Variants in GALNTL6 observed in about 807,000 individuals in gnomAD.
GALNTL6 encodes the protein polypeptide N-acetylgalactosaminyltransferase-like 6.
Under a neutral mutation model 73.7 loss-of-function variants are expected in GALNTL6, and 46 were observed. The ratio of observed to expected loss-of-function variants is 0.62; its 90% CI spans 0.49 to 0.80. GALNTL6 has a LOEUF of 0.80. GALNTL6 is among the 30% of genes least tolerant of loss of function. The pLI is 0.00. For missense variants in GALNTL6, 604 were observed against 755.0 expected, an observed-to-expected ratio of 0.80 and a Z score of 2.34; for synonymous variants, 259 against 263.7, an observed-to-expected ratio of 0.98 and a Z score of 0.17.
At chr4:172,939,595 C>T (rs1391317931) in intron 9 of GALNTL6, among the ~76,000 whole-genome samples, 3 of 152,300 alleles carry the variant, frequency 2.0e-5, no homozygotes, top group Admixed American at 6.5e-5. Flanking sequence ...GAAATGCACA[C>T]AGCATGCTAC....
chr4:172,838,641 G>A (rs749543540), intron 7 of GALNTL6, among the ~76,000 whole-genome samples: 1 of 152,092 alleles, frequency 6.6e-6, no homozygotes, highest in Non-Finnish European at 1.5e-5. Context: ...TCTGGGAAAC[G>A]AAACAGGTGC....
intron 7 of GALNTL6, among the ~76,000 whole-genome samples, chr4:172,878,258 G>A (rs971927773): frequency 4.4e-4 from 67 of 151,842 alleles, no homozygotes; most frequent in Non-Finnish European, 1.2e-4. Context: ...CACAAACTCA[G>A]TTGTGCATAA....
In GALNTL6 at chr4:172,070,087, T is replaced by C. The variant is rs1384556955; in HGVS notation, c.139-159569T>C. On this transcript the variant is annotated intron_variant, in intron 2 of 12. Transcript: ENST00000506823. ...TGGAGAACATTCCCAGCAGGAGAAA[T>C]AGTAATGTCGCTGTTTTGCTATTCT... 2.8e-5 allele frequency among the ~76,000 whole-genome samples: 3 copies of C among 108,216 alleles called. 1 individual carries two copies. Among genetic ancestry groups the C allele is most frequent in the Non-Finnish European group, 6.1e-5 (3 of 48,796 alleles). 71.0% of individuals were successfully genotyped at this position (108,216 alleles called of 152,430 possible).
At chr4:172,911,439 A>G (rs969463785) in intron 8 of GALNTL6, among the ~76,000 whole-genome samples, 1 of 152,220 alleles carries the variant, frequency 6.6e-6, no homozygotes, top group Non-Finnish European at 1.5e-5. Flanking sequence ...GTCAAAGTGT[A>G]GTTGCATTTC....
In GALNTL6 at chr4:172,204,143, A is replaced by G. The variant is rs929630086; in HGVS notation, c.139-25513A>G. ...GACCTTATATTACTAGAATTCAGAA[A>G]TTGTGAAGTTTACTAGGTTGTTTGC... On this transcript the variant is annotated intron_variant, in intron 2 of 12. Coordinates refer to ENST00000506823, the MANE Select transcript of GALNTL6 (RefSeq NM_001034845.3). Among the ~76,000 whole-genome samples, 3 of 152,176 alleles carry G rather than the reference A, an allele frequency of 2.0e-5. No homozygotes were observed. In the East Asian group the frequency reaches 5.8e-4, roughly 29 times the overall value.
intron 2 of GALNTL6, among the ~76,000 whole-genome samples, chr4:172,217,882 A>T (rs1053236456): frequency 6.6e-6 from 1 of 152,052 alleles, no homozygotes; most frequent in Non-Finnish European, 1.5e-5. Context: ...CCTGTATTGA[A>T]TGTTTACTGT....
intron 2 of GALNTL6, among the ~76,000 whole-genome samples, chr4:172,168,857 A>G (rs545505600): frequency 6.6e-6 from 1 of 152,336 alleles, no homozygotes; most frequent in South Asian, 2.1e-4. Flanking sequence ...AATTTTTGTG[A>G]TGTTTTTAAA....
chr4:172,015,611 T>C (rs1354302482), intron 2 of GALNTL6, among the ~76,000 whole-genome samples: 1 of 152,018 alleles, frequency 6.6e-6, no homozygotes, highest in East Asian at 1.9e-4. Flanking sequence ...AAATACCTTA[T>C]ATTTTGTTAT....
At chr4:171,922,284 A>G (rs1235718149) in intron 2 of GALNTL6, among the ~76,000 whole-genome samples, 1 of 152,124 alleles carries the variant, frequency 6.6e-6, no homozygotes, top group Admixed American at 6.6e-5. Context: ...CATACCTAAT[A>G]CTAAGAATAT....
At chr4:172,278,722 T>C (rs1044798764) in intron 3 of GALNTL6, among the ~76,000 whole-genome samples, 1 of 152,160 alleles carries the variant, frequency 6.6e-6, no homozygotes, top group Non-Finnish European at 1.5e-5. Flanking sequence ...ATTCTAGATA[T>C]AGAATTCCAT....
chr4:172,990,066 T>C (rs1462543023), intron 10 of GALNTL6, among the ~76,000 whole-genome samples: 1 of 152,204 alleles, frequency 6.6e-6, no homozygotes, highest in Non-Finnish European at 1.5e-5. Context: ...GTAAATAAGG[T>C]ATAAGTCCAG....
intron 8 of GALNTL6, among the ~76,000 whole-genome samples, chr4:172,921,212 G>A (rs1579656531): frequency 6.6e-6 from 1 of 152,044 alleles, no homozygotes; most frequent in Non-Finnish European, 1.5e-5. Context: ...CCAATTTTGG[G>A]GCTGAATGCT....
At chr4:172,188,585 A>G (rs1735482891) in intron 2 of GALNTL6, among the ~76,000 whole-genome samples, 1 of 152,232 alleles carries the variant, frequency 6.6e-6, no homozygotes, top group Non-Finnish European at 1.5e-5. Flanking sequence ...AAATAAATAT[A>G]AAATGCTTGA....
chr4:172,581,177 G>T (rs1236847948), intron 5 of GALNTL6, among the ~76,000 whole-genome samples: 1 of 152,214 alleles, frequency 6.6e-6, no homozygotes, highest in African/African-American at 2.4e-5. Flanking sequence ...TCATCATAAA[G>T]CCAGGGTAAA....
intron 5 of GALNTL6, among the ~76,000 whole-genome samples, chr4:172,428,942 A>T (rs1042699562): frequency 2.6e-5 from 4 of 152,202 alleles, no homozygotes; most frequent in South Asian, 2.1e-4. Context: ...ACAGAAATTT[A>T]TTTCTCACAG....
intron 5 of GALNTL6, among the ~76,000 whole-genome samples, chr4:172,454,191 G>T (rs572875757): frequency 6.6e-6 from 1 of 152,266 alleles, no homozygotes; most frequent in Non-Finnish European, 1.5e-5. Flanking sequence ...TGTAGCTTGG[G>T]AATTAGGAAA....
chr4:172,007,877 A>G (rs146857524), intron 2 of GALNTL6, among the ~76,000 whole-genome samples: 51 of 152,252 alleles, frequency 3.3e-4, no homozygotes, highest in South Asian at 1.2e-3. Context: ...TAATAAAATA[A>G]GGTCAACTTG....
chr4:171,989,298 C>T (rs1008556337), intron 2 of GALNTL6, among the ~76,000 whole-genome samples: 2 of 152,156 alleles, frequency 1.3e-5, no homozygotes, highest in South Asian at 2.1e-4. Context: ...CAGTCTTCAG[C>T]CACGAAGCCG....
chr4:171,964,180 T>A (rs1739317353), intron 2 of GALNTL6, among the ~76,000 whole-genome samples: 1 of 151,844 alleles, frequency 6.6e-6, no homozygotes, highest in Admixed American at 6.6e-5. Context: ...AATACTTTTT[T>A]TTTTTTCCTC....
Sources: allele counts gnomAD v4.1 joint callset (sites outside exome capture counted in the v4.1 genomes callset), GRCh38; gene constraint gnomAD v4.1.1; transcripts MANE v1.5; gene names NCBI Gene and HGNC (gene_info 2026-07-23, HGNC 2026-07-21).